The following ABTB3 variants were observed in gnomAD, a reference collection of about 807,000 sequenced individuals.
ABTB3 encodes the protein ankyrin repeat and BTB domain containing 3.
At chr12:107,555,308 C>G in the ABTB3 span, among the ~76,000 whole-genome samples, 7 of 152,186 alleles carry the variant, frequency 4.6e-5, no homozygotes, top group African/African-American at 9.7e-5. Flanking sequence ...CCTCTGGCCT[C>G]CAGGGCTTGT....
the ABTB3 span, among the ~76,000 whole-genome samples, chr12:107,607,800 C>T: frequency 6.6e-6 from 1 of 152,174 alleles, no homozygotes; most frequent in Non-Finnish European, 1.5e-5. Context: ...GGCTCCTCCG[C>T]AAATATGAGT....
chr12:107,557,302 T>A, the ABTB3 span, among the ~76,000 whole-genome samples: 1 of 150,426 alleles, frequency 6.6e-6, no homozygotes, highest in Admixed American at 6.8e-5. Context: ...CCGAATACTG[T>A]AGGAAATTAA....
the ABTB3 span, among the ~76,000 whole-genome samples, chr12:107,459,423 G>T: frequency 2.0e-5 from 3 of 152,194 alleles, no homozygotes; most frequent in African/African-American, 7.2e-5. Context: ...AAAACTCCCT[G>T]CTCTTGCGGA....
At chr12:107,513,561 C>T in the ABTB3 span, among the ~76,000 whole-genome samples, 89 of 152,274 alleles carry the variant, frequency 5.8e-4, no homozygotes, top group Middle Eastern at 6.8e-3. Flanking sequence ...TGAGGCCTCC[C>T]CAGCAATGCG....
chr12:107,519,149 C>A, the ABTB3 span, among the ~76,000 whole-genome samples: 3 of 152,266 alleles, frequency 2.0e-5, no homozygotes, highest in South Asian at 4.1e-4. Context: ...ACCAAATAAG[C>A]ATATGTCTTT....
the ABTB3 span, among the ~76,000 whole-genome samples, chr12:107,537,713 G>A: frequency 6.6e-6 from 1 of 152,094 alleles, no homozygotes; most frequent in African/African-American, 2.4e-5. Flanking sequence ...TTCTCTTTGG[G>A]GACAGTGGAG....
chr12:107,469,956 CTT>C, the ABTB3 span, among the ~76,000 whole-genome samples: 60 of 67,076 alleles, frequency 8.9e-4, 1 homozygote, highest in East Asian at 2.6e-3. Context: ...TTCTTTCTTT[CTT>C]TCTTTCTTTC....
At chr12:107,333,423 T>C in the ABTB3 span, among the ~76,000 whole-genome samples, 2 of 152,176 alleles carry the variant, frequency 1.3e-5, no homozygotes, top group Non-Finnish European at 2.9e-5. Flanking sequence ...GGTTTCATCG[T>C]TGTGGTCAGA....
chr12:107,329,468 T>C, the ABTB3 span, among the ~76,000 whole-genome samples: 2 of 152,256 alleles, frequency 1.3e-5, no homozygotes, highest in African/African-American at 2.4e-5. Context: ...AAGTACTCAA[T>C]ATCTGTTAAT....
chr12:107,601,392 GA>G, the ABTB3 span, among the ~76,000 whole-genome samples: 2 of 152,216 alleles, frequency 1.3e-5, no homozygotes, highest in Non-Finnish European at 2.9e-5. Context: ...TTGAAGTGGT[GA>G]AAATTGGCTA....
At chr12:107,383,501 T>C in the ABTB3 span, among the ~76,000 whole-genome samples, 2 of 152,216 alleles carry the variant, frequency 1.3e-5, no homozygotes, top group African/African-American at 2.4e-5. Context: ...AGGATAACCA[T>C]AGCAACTACC....
the ABTB3 span, among the ~76,000 whole-genome samples, chr12:107,471,222 G>A: frequency 6.6e-6 from 1 of 152,146 alleles, no homozygotes; most frequent in East Asian, 1.9e-4. Flanking sequence ...TATAAAAGAT[G>A]TTATTTCCCC....
At chr12:107,470,498 G>A in the ABTB3 span, among the ~76,000 whole-genome samples, 1 of 152,064 alleles carries the variant, frequency 6.6e-6, no homozygotes, top group South Asian at 2.1e-4. Context: ...CCTTTGCCCC[G>A]AGGAGGGCCT....
At chr12:107,384,770 A>G in the ABTB3 span, among the ~76,000 whole-genome samples, 3 of 152,148 alleles carry the variant, frequency 2.0e-5, no homozygotes, top group East Asian at 5.8e-4. Context: ...CCTTAGGCTG[A>G]GCAGTTCCTG....
At chr12:107,489,920 C>CCAAACAAA in the ABTB3 span, among the ~76,000 whole-genome samples, 1 of 150,904 alleles carries the variant, frequency 6.6e-6, no homozygotes, top group Non-Finnish European at 1.5e-5. Flanking sequence ...CCATGCATGG[C>CCAAACAAA]CAAACAAACA....
chr12:107,577,339 T>G, the ABTB3 span, among the ~76,000 whole-genome samples: 1 of 152,088 alleles, frequency 6.6e-6, no homozygotes, highest in African/African-American at 2.4e-5. Context: ...CTCCAGTGAG[T>G]TACGGGCAGA....
At chr12:107,370,011 G>A in the ABTB3 span, among the ~76,000 whole-genome samples, 1 of 152,104 alleles carries the variant, frequency 6.6e-6, no homozygotes, top group Non-Finnish European at 1.5e-5. Context: ...ATTAAACAGC[G>A]ATGATGATAT....
the ABTB3 span, among the ~76,000 whole-genome samples, chr12:107,563,332 A>G: frequency 6.6e-6 from 1 of 152,230 alleles, no homozygotes; most frequent in Non-Finnish European, 1.5e-5. Flanking sequence ...TCACTCAAAG[A>G]AAGGTGATTG....
At chr12:107,475,261 G>C in the ABTB3 span, among the ~76,000 whole-genome samples, 3 of 152,198 alleles carry the variant, frequency 2.0e-5, no homozygotes, top group Admixed American at 6.5e-5. Flanking sequence ...GCAGAGACCT[G>C]ACTTGACTTT....
Sources: gnomAD v4.1 joint callset for allele counts (sites outside exome capture counted in the v4.1 genomes callset) on GRCh38, gnomAD v4.1.1 for gene constraint, MANE v1.5 for transcripts, NCBI Gene and HGNC (gene_info 2026-07-23, HGNC 2026-07-21) for gene names.